BFSP1: variants seen among roughly 807,000 people sequenced by gnomAD.
BFSP1 encodes beaded filament structural protein 1.
BFSP1 carries 38 observed loss-of-function variants against 43.9 expected under a neutral mutation model. The observed-to-expected ratio is 0.87, with a 90% CI of 0.67 to 1.14. The LOEUF (loss-of-function observed/expected upper bound fraction) is 1.14. Among genes scored for constraint, BFSP1 ranks in the 50% most tolerant of loss-of-function variants. BFSP1 has a pLI of 0.00. For missense variants in BFSP1, 850 were observed against 875.1 expected (o/e 0.97, Z 0.36); for synonymous variants, 352 against 354.8 (o/e 0.99, Z 0.09).
chr20:17,566,704 G>C (rs1227948395), intron 1 of BFSP1, among the ~76,000 whole-genome samples: 1 of 152,192 alleles, frequency 6.6e-6, no homozygotes, highest in African/African-American at 2.4e-5. Context: ...GCCCAGGATG[G>C]AGTGCAGTGG....
intron 1 of BFSP1, among the ~76,000 whole-genome samples, chr20:17,549,112 A>G (rs1259014686): frequency 6.6e-6 from 1 of 152,146 alleles, no homozygotes; most frequent in Non-Finnish European, 1.5e-5. Flanking sequence ...TGCCAGCCCC[A>G]TATTTCCCTT....
chr20:17,519,015 T>C (rs2034262900), intron 2 of BFSP1, among the ~76,000 whole-genome samples: 1 of 152,196 alleles, frequency 6.6e-6, no homozygotes, highest in African/African-American at 2.4e-5. Context: ...CAGAGAGGCT[T>C]GGCTAAATCT....
chr20:17,547,143 A>G (rs2034815768), intron 1 of BFSP1, among the ~76,000 whole-genome samples: 1 of 151,934 alleles, frequency 6.6e-6, no homozygotes, highest in Non-Finnish European at 1.5e-5. Flanking sequence ...GAGACTAGTC[A>G]GGGCAACATG....
At chr20:17,516,400 C>G (rs1475471461) in intron 2 of BFSP1, among the ~76,000 whole-genome samples, 1 of 152,160 alleles carries the variant, frequency 6.6e-6, no homozygotes, top group Non-Finnish European at 1.5e-5. Flanking sequence ...TGAAAGACCA[C>G]TGGTGTAGTA....
exon 1 of BFSP1, chr20:17,558,893 G>A: frequency 1.6e-6 from 1 of 610,274 alleles, no homozygotes; most frequent in Non-Finnish European, 2.7e-6. Context: ...GGGTGGGAGG[G>A]AAGGCTTTCC....
At chr20:17,499,411 T>TC (rs2033740422) in intron 5 of BFSP1, among the ~76,000 whole-genome samples, 1 of 145,576 alleles carries the variant, frequency 6.9e-6, no homozygotes, top group Admixed American at 6.8e-5. Context: ...GGCTTTTTTT[T>TC]TTTTTTTTTT....
At chr20:17,534,791 G>A (rs146338251), upstream of BFSP1, among the ~76,000 whole-genome samples, 791 of 152,212 alleles carry the variant, frequency 5.2e-3, 2 homozygotes, top group Middle Eastern at 0.014. Context: ...GGCTGAGGTG[G>A]GTGGATCATC....
chr20:17,554,411 C>A (rs999756505), intron 1 of BFSP1, among the ~76,000 whole-genome samples: 1 of 152,094 alleles, frequency 6.6e-6, no homozygotes, highest in African/African-American at 2.4e-5. Flanking sequence ...CCATATCTAG[C>A]AGTAGTTCCA....
upstream of BFSP1, among the ~76,000 whole-genome samples, chr20:17,533,923 G>A (rs1417016857): frequency 1.3e-5 from 2 of 152,144 alleles, no homozygotes; most frequent in Admixed American, 6.5e-5. Flanking sequence ...TGCAGGAGGC[G>A]AATCCATACT....
At chr20:17,526,376 A>G (rs2034424429) in intron 1 of BFSP1, among the ~76,000 whole-genome samples, 1 of 152,142 alleles carries the variant, frequency 6.6e-6, no homozygotes, top group Non-Finnish European at 1.5e-5. Context: ...TTCTGTCTCT[A>G]TGAATTTGAC....
rs760104134 is a variant in BFSP1, at chr20:17,494,501, C to T, written c.1571G>A (p.Gly524Glu). ...TTCTTTCTCCTGCAGACCCACCTGC[C>T]CATTCTCTAAAGGGGGCTTGGGTGA... is the stretch of plus-strand genomic sequence containing the variant. ...PESPKPPLEN[G>E]QVGLQEKEDG... Residue 524 changes from glycine (G) to glutamate (E), a missense_variant, in exon 8 of 8, where the codon GGG becomes GAG. Transcript: ENST00000377873. 6.2e-6 allele frequency: 10 copies of T among 1,614,094 alleles called. No homozygotes were observed. The highest frequency in any genetic ancestry group is 7.6e-6 in the Non-Finnish European group (9 of 1,180,040).
At chr20:17,501,741 C>A (rs1440068876) in intron 5 of BFSP1, among the ~76,000 whole-genome samples, 1 of 152,210 alleles carries the variant, frequency 6.6e-6, no homozygotes, top group African/African-American at 2.4e-5. Flanking sequence ...GTCAGCCCCA[C>A]CCATCCAAAG....
chr20:17,497,577 TATAC>T (rs1273904683), intron 6 of BFSP1, among the ~76,000 whole-genome samples: 735 of 30,970 alleles, frequency 0.024, 12 homozygotes, highest in African/African-American at 0.11. Flanking sequence ...TATATGTATA[TATAC>T]GTATATATAT....
In BFSP1 at chr20:17,508,000, A is replaced by G. The variant is rs1027932230; in HGVS notation, c.735+889T>C. Among the ~76,000 whole-genome samples the G allele has an allele frequency of 3.3e-5, 5 of 152,190 alleles. No homozygotes were observed. The highest frequency in any genetic ancestry group is 1.2e-4 in the African/African-American group (5 of 41,438). On this transcript the variant is annotated intron_variant, in intron 5 of 7. Transcript: ENST00000377873. The surrounding 1 kb of genome is among the most constrained non-coding windows in gnomAD (Gnocchi z 4.4). ...GAAATCAATAAAAAGCGCTACATCT[A>G]GTTGTGGCTTCACATTTTTAGACAG...
intron 2 of BFSP1, among the ~76,000 whole-genome samples, chr20:17,521,140 CA>C (rs3216669): frequency 0.052 from 7,840 of 152,144 alleles, 557 homozygotes; most frequent in East Asian, 0.37. Flanking sequence ...TAGAAGTTAG[CA>C]AACCCAAATA....
upstream of BFSP1, among the ~76,000 whole-genome samples, chr20:17,534,332 A>C (rs1373802233): frequency 6.6e-6 from 1 of 152,220 alleles, no homozygotes; most frequent in Non-Finnish European, 1.5e-5. Context: ...TGGTCCCATC[A>C]CTTCAGTAAG....
intron 1 of BFSP1, chr20:17,541,175 T>A (rs2034710294): frequency 1.2e-6 from 1 of 825,680 alleles, no homozygotes; most frequent in Non-Finnish European, 1.5e-6. Context: ...CACCCCATTC[T>A]GGGCAACATA....
At chr20:17,499,102 A>C in intron 5 of BFSP1, 62 bp from the exon 6 acceptor site, 2 of 1,493,258 alleles carry the variant, frequency 1.3e-6, no homozygotes, top group South Asian at 1.1e-5. Flanking sequence ...GACAGACCTC[A>C]CCAGGAAAAG....
intron 1 of BFSP1, among the ~76,000 whole-genome samples, chr20:17,547,120 A>G (rs2034815253): frequency 6.6e-6 from 1 of 151,764 alleles, no homozygotes; most frequent in South Asian, 2.1e-4. Flanking sequence ...GTATTCCTTG[A>G]GTCCGGGAGT....
Sources: allele counts gnomAD v4.1 joint callset (sites outside exome capture counted in the v4.1 genomes callset), GRCh38; gene constraint gnomAD v4.1.1; non-coding constraint Gnocchi (gnomAD v3.1); transcripts MANE v1.5; gene names NCBI Gene and HGNC (gene_info 2026-07-23, HGNC 2026-07-21).